The following GRID2 variants were observed in gnomAD, a reference collection of about 807,000 sequenced individuals.
GRID2 encodes glutamate ionotropic receptor delta type subunit 2.
GRID2 carries 33 observed loss-of-function variants against 114.8 expected under a neutral mutation model. The observed-to-expected ratio is 0.29, with a 90% confidence interval of 0.22 to 0.38. GRID2 has a LOEUF of 0.38. Among genes scored for constraint, GRID2 ranks in the 10% least tolerant of loss-of-function variants. GRID2 has a pLI of 1.00. For missense variants in GRID2, 1,184 were observed against 1,257.7 expected, an observed-to-expected ratio of 0.94 and a Z score of 0.89; for synonymous variants, 505 against 449.9, an observed-to-expected ratio of 1.12 and a Z score of -1.55.
chr4:93,359,118 T>A (rs769053985), intron 8 of GRID2, among the ~76,000 whole-genome samples: 10 of 152,082 alleles, frequency 6.6e-5, no homozygotes, highest in Non-Finnish European at 1.2e-4. Context: ...CTGGGATACC[T>A]TCAGCTGAGA....
rs144847705 is a variant in GRID2 at position 92,918,259 on chromosome 4, G to C, written c.245-166736G>C. ...GCTTAAGGATATATTGGGCTGAGAC[G>C]ATGGGATTTTCTAGATATACAATCA... is the stretch of plus-strand genomic sequence containing the variant. On this transcript the variant is annotated intron_variant, in intron 2 of 15. Transcript: ENST00000282020. Among the ~76,000 whole-genome samples, 4 of 152,238 alleles carry C rather than the reference G, an allele frequency of 2.6e-5. No homozygotes were observed. The East Asian group carries it at 7.7e-4, about 29-fold the overall frequency.
At chr4:93,152,874 ATC>A (rs1736858303) in intron 4 of GRID2, among the ~76,000 whole-genome samples, 1 of 152,140 alleles carries the variant, frequency 6.6e-6, no homozygotes, top group African/African-American at 2.4e-5. Context: ...GTTTAAAAAA[ATC>A]CTGATGAAGA....
At position 93,591,857 on chromosome 4, in the gene GRID2, G is replaced by C. The variant is rs184947874; in HGVS notation, c.2194-34412G>C. Among the ~76,000 whole-genome samples, 371 of 152,274 alleles carry C rather than the reference G, an allele frequency of 2.4e-3. 11 individuals are homozygous for C. In the East Asian group the frequency reaches 0.053, roughly 22 times the overall value. On this transcript the variant is annotated intron_variant, in intron 13 of 15. Coordinates refer to ENST00000282020, the MANE Select transcript of GRID2 (RefSeq NM_001510.4). Reference sequence around the variant, plus strand: ...GTTTATTTGCGTAGAGGTGTTTATAGTATTCTCTGATGGTAGTTTGTATTT... The same window carrying C: ...GTTTATTTGCGTAGAGGTGTTTATACTATTCTCTGATGGTAGTTTGTATTT...
chr4:93,516,670 A>G (rs1160456249), intron 13 of GRID2, among the ~76,000 whole-genome samples: 1 of 152,074 alleles, frequency 6.6e-6, no homozygotes, highest in African/African-American at 2.4e-5. Context: ...TGAGAGATGG[A>G]TCCAAGTGGG....
chr4:93,545,390 A>G (rs1733110933), intron 13 of GRID2, among the ~76,000 whole-genome samples: 1 of 152,164 alleles, frequency 6.6e-6, no homozygotes, highest in Non-Finnish European at 1.5e-5. Context: ...TGGGTCAGAG[A>G]GACCAACAAG....
At chr4:92,978,113 G>A (rs114571293) in intron 2 of GRID2, among the ~76,000 whole-genome samples, 1,990 of 152,154 alleles carry the variant, frequency 0.013, 49 homozygotes, top group African/African-American at 0.046. Flanking sequence ...TAAAGAATTA[G>A]AGTGTGCCTA....
chr4:93,353,664 A>C (rs1472235506), intron 8 of GRID2, among the ~76,000 whole-genome samples: 1 of 152,064 alleles, frequency 6.6e-6, no homozygotes, highest in Non-Finnish European at 1.5e-5. Context: ...ACCTAAAAAA[A>C]TTGACAGTGA....
At chr4:93,561,195 G>A (rs1446155996) in intron 13 of GRID2, among the ~76,000 whole-genome samples, 1 of 152,056 alleles carries the variant, frequency 6.6e-6, no homozygotes. Context: ...TATAATGAGT[G>A]CATGCTAGCT....
At chr4:93,409,691 C>T (rs1766913864) in intron 9 of GRID2, among the ~76,000 whole-genome samples, 1 of 152,144 alleles carries the variant, frequency 6.6e-6, no homozygotes, top group Non-Finnish European at 1.5e-5. Flanking sequence ...CTGCAACCTG[C>T]AGTATACACA....
intron 1 of GRID2, among the ~76,000 whole-genome samples, chr4:92,388,556 T>C (rs1730089395): frequency 6.6e-6 from 1 of 151,980 alleles, no homozygotes; most frequent in Admixed American, 6.6e-5. Context: ...TTAAACACCC[T>C]GGCTCTAAGA....
intron 2 of GRID2, among the ~76,000 whole-genome samples, chr4:92,989,300 A>AAATAATAAT (rs1553962741): frequency 2.2e-4 from 20 of 92,274 alleles, no homozygotes; most frequent in Admixed American, 5.8e-4. Flanking sequence ...AAAAAAAAAA[A>AAATAATAAT]AATAATAATA....
intron 10 of GRID2, among the ~76,000 whole-genome samples, chr4:93,441,602 TTCAC>T (rs1306021215): frequency 1.3e-5 from 2 of 151,984 alleles, no homozygotes; most frequent in African/African-American, 4.8e-5. Context: ...CCTTTAAATA[TTCAC>T]TCACTCTAGC....
At chr4:93,461,527 G>A (rs139217891) in intron 11 of GRID2, among the ~76,000 whole-genome samples, 2 of 152,092 alleles carry the variant, frequency 1.3e-5, no homozygotes, top group South Asian at 4.1e-4. Context: ...TGTGTTATCA[G>A]ACAGATTTCT....
intron 13 of GRID2, among the ~76,000 whole-genome samples, chr4:93,533,479 T>C (rs1731711127): frequency 6.6e-6 from 1 of 151,080 alleles, no homozygotes; most frequent in Non-Finnish European, 1.5e-5. Flanking sequence ...GTTAAAGTGA[T>C]TCTCCCACCT....
At chr4:92,908,870 C>T (rs185844549) in intron 2 of GRID2, among the ~76,000 whole-genome samples, 10 of 152,242 alleles carry the variant, frequency 6.6e-5, no homozygotes, top group Admixed American at 5.2e-4. Context: ...CGTCAGGCAC[C>T]TTTGAGGCTG....
At chr4:92,893,217 AC>A (rs1746915986) in intron 2 of GRID2, among the ~76,000 whole-genome samples, 5 of 152,078 alleles carry the variant, frequency 3.3e-5, no homozygotes, top group Admixed American at 3.3e-4. Context: ...TTATCTTTAT[AC>A]CCCATAGAGT....
intron 12 of GRID2, among the ~76,000 whole-genome samples, chr4:93,501,690 A>G (rs1208032728): frequency 1.3e-5 from 2 of 152,094 alleles, no homozygotes; most frequent in African/African-American, 4.8e-5. Flanking sequence ...GTTGTCTCAC[A>G]GTTTGTGGCT....
At chr4:92,687,951 G>T (rs1336090781) in intron 2 of GRID2, among the ~76,000 whole-genome samples, 2 of 151,212 alleles carry the variant, frequency 1.3e-5, no homozygotes, top group Non-Finnish European at 2.9e-5. Context: ...GATCACAGTG[G>T]TGGTTGCTGA....
At chr4:93,507,033 T>C (rs1728702079) in intron 12 of GRID2, among the ~76,000 whole-genome samples, 1 of 152,204 alleles carries the variant, frequency 6.6e-6, no homozygotes, top group South Asian at 2.1e-4. Context: ...TGTCTTCCAT[T>C]AACATGACTT....
Sources: gnomAD v4.1 joint callset for allele counts (sites outside exome capture counted in the v4.1 genomes callset) on GRCh38, gnomAD v4.1.1 for gene constraint, MANE v1.5 for transcripts, NCBI Gene and HGNC (gene_info 2026-07-23, HGNC 2026-07-21) for gene names.